FBXL2: variants seen among roughly 807,000 people sequenced by gnomAD.
FBXL2 encodes F-box/LRR-repeat protein 2.
In FBXL2, 38 loss-of-function variants were observed where a neutral mutation model predicts 69.2. The observed-to-expected ratio is 0.55, with a 90% CI of 0.42 to 0.72. The LOEUF is 0.72. Among genes scored for constraint, FBXL2 ranks in the 30% least tolerant of loss-of-function variants. FBXL2 has a pLI of 0.00. For synonymous variants in FBXL2, 192 were observed against 201.3 expected (o/e 0.95, Z 0.39); for missense variants, 354 against 520.3 (o/e 0.68, Z 3.11).
At chr3:33,373,431 G>T (rs2291898) in intron 7 of FBXL2, 76 bp downstream of exon 7, 73 of 1,511,236 alleles carry the variant, frequency 4.8e-5, no homozygotes, top group African/African-American at 6.9e-5. Context: ...TAATGGTCAC[G>T]TTGGATCCAG....
chr3:33,296,616 C>G (rs1172462814), intron 1 of FBXL2, among the ~76,000 whole-genome samples: 1 of 152,088 alleles, frequency 6.6e-6, no homozygotes, highest in Non-Finnish European at 1.5e-5. Flanking sequence ...TGTACCAGTA[C>G]CATTTCTTGA....
chr3:33,331,901 G>T (rs2039195595), intron 2 of FBXL2, among the ~76,000 whole-genome samples: 1 of 152,068 alleles, frequency 6.6e-6, no homozygotes, highest in Admixed American at 6.6e-5. Flanking sequence ...ATATAGAAAA[G>T]GTTAAGAGAC....
chr3:33,416,665 C>A, the FBXL2 span: 6 of 996,494 alleles, frequency 6.0e-6, no homozygotes, highest in Non-Finnish European at 7.3e-6. Context: ...AGTTGTAATA[C>A]AACAATTATT....
At chr3:33,377,429 C>T (rs777055850) in intron 11 of FBXL2, 96 bp downstream of exon 11, 14 of 1,147,936 alleles carry the variant, frequency 1.2e-5, no homozygotes, top group Non-Finnish European at 1.8e-5. Flanking sequence ...AGACTACCTT[C>T]AGAAAAGACA....
chr3:33,387,016 T>C lies in FBXL2; in HGVS notation c.*1408T>C, dbSNP rs980078906. 28 of 152,310 alleles carry C rather than the reference T, an allele frequency of 1.8e-4. No individual in the cohort carries two copies. The highest frequency in any genetic ancestry group is 6.5e-4 in the African/African-American group (27 of 41,556). 9.4% of individuals were successfully genotyped at this position (152,310 alleles called of 1,614,324 possible). On this transcript the variant is annotated 3_prime_UTR_variant, in exon 15 of 15. Coordinates refer to ENST00000484457, the MANE Select transcript of FBXL2 (RefSeq NM_012157.5). ...AGGATATATTATGTCAGCTGCATTCTAGGAAGAGAAGCAGATTATATATAT... is the reference window on the plus strand; with the variant it reads ...AGGATATATTATGTCAGCTGCATTCCAGGAAGAGAAGCAGATTATATATAT...
rs141685044 is a variant in FBXL2 at position 33,376,907 on chromosome 3, G to A, written c.789-366G>A. ...TCCCAGCTACTTGGGAGACTGAGACGGGAGAATCATTTGAACCTGGGAGGC... is the reference window on the plus strand; with the variant it reads ...TCCCAGCTACTTGGGAGACTGAGACAGGAGAATCATTTGAACCTGGGAGGC... On this transcript the variant is annotated intron_variant, in intron 10 of 14. Coordinates refer to ENST00000484457, the MANE Select transcript of FBXL2 (RefSeq NM_012157.5). Among the ~76,000 whole-genome samples the A allele has an allele frequency of 1.5e-3, 229 of 152,174 alleles. 2 individuals carry two copies. The highest frequency in any genetic ancestry group is 5.3e-3 in the African/African-American group (218 of 41,502).
chr3:33,377,701 G>A (rs938946741), intron 11 of FBXL2, among the ~76,000 whole-genome samples: 1 of 152,112 alleles, frequency 6.6e-6, no homozygotes, highest in Non-Finnish European at 1.5e-5. Context: ...CTGCTGCCAG[G>A]AACCCATGTC....
At chr3:33,336,038 G>A (rs550907286) in intron 2 of FBXL2, among the ~76,000 whole-genome samples, 5 of 152,232 alleles carry the variant, frequency 3.3e-5, no homozygotes, top group Non-Finnish European at 5.9e-5. Context: ...TTACAGATTC[G>A]AAACAATTTT....
chr3:33,372,942 A>G (rs941173667), intron 5 of FBXL2, 150 bp from the exon 6 acceptor site: 1 of 701,150 alleles, frequency 1.4e-6, no homozygotes, highest in African/African-American at 1.8e-5. Context: ...ATCTATCATC[A>G]GAATCTGCAC....
intron 2 of FBXL2, among the ~76,000 whole-genome samples, chr3:33,351,297 A>G (rs1199756942): frequency 6.6e-6 from 1 of 152,186 alleles, no homozygotes; most frequent in Non-Finnish European, 1.5e-5. Flanking sequence ...TCCTCCTGTA[A>G]CTAATTAGCA....
intron 14 of FBXL2, among the ~76,000 whole-genome samples, chr3:33,384,878 A>C (rs1400379827): frequency 6.6e-6 from 1 of 152,024 alleles, no homozygotes; most frequent in Non-Finnish European, 1.5e-5. Context: ...TCTACTAATA[A>C]TATAAAAATT....
At chr3:33,358,900 T>G in intron 2 of FBXL2, 67 bp from the exon 3 acceptor site, 1 of 1,046,310 alleles carries the variant, frequency 9.6e-7, no homozygotes, top group South Asian at 1.9e-5. Flanking sequence ...GAGTTTATCT[T>G]TCAAGTTATA....
the FBXL2 span, among the ~76,000 whole-genome samples, chr3:33,412,126 G>A: frequency 2.0e-5 from 3 of 149,536 alleles, no homozygotes; most frequent in Non-Finnish European, 4.4e-5. Context: ...GGCGGAGGTT[G>A]CAGTGAGCCA....
intron 2 of FBXL2, 21 bp from the exon 3 acceptor site, chr3:33,358,946 G>GT (rs758224482): frequency 9.4e-6 from 14 of 1,486,482 alleles, no homozygotes; most frequent in Admixed American, 4.2e-5. Context: ...TCGTTTTTGT[G>GT]TTTTTTTCCT....
intron 9 of FBXL2, 48 bp downstream of exon 9, chr3:33,373,969 C>T: frequency 3.1e-6 from 5 of 1,589,168 alleles, no homozygotes; most frequent in Non-Finnish European, 4.3e-6. Flanking sequence ...TCTTGTCTCC[C>T]AAAGCAGTCT....
chr3:33,293,000 C>T (rs2035392565), intron 1 of FBXL2, among the ~76,000 whole-genome samples: 1 of 152,156 alleles, frequency 6.6e-6, no homozygotes, highest in African/African-American at 2.4e-5. Context: ...AGCAAAGTGA[C>T]AAATGCAGGG....
chr3:33,317,166 G>T (rs993233989), intron 2 of FBXL2, among the ~76,000 whole-genome samples: 1 of 152,086 alleles, frequency 6.6e-6, no homozygotes, highest in East Asian at 1.9e-4. Context: ...CCAAAGCTAT[G>T]GGATTATAGG....
chr3:33,353,015 T>C (rs933503838), intron 2 of FBXL2, among the ~76,000 whole-genome samples: 13 of 152,198 alleles, frequency 8.5e-5, no homozygotes, highest in African/African-American at 3.1e-4. Flanking sequence ...GATATGCAGA[T>C]GACAAGCATA....
downstream of FBXL2, chr3:33,391,280 A>AT (rs2043753445): frequency 6.6e-6 from 1 of 152,218 alleles, no homozygotes; most frequent in Admixed American, 6.5e-5. Context: ...CTAAGACCGG[A>AT]TTTGGATCTT....
Sources: gnomAD v4.1 joint callset for allele counts (sites outside exome capture counted in the v4.1 genomes callset) on GRCh38, gnomAD v4.1.1 for gene constraint, MANE v1.5 for transcripts, NCBI Gene and HGNC (gene_info 2026-07-23, HGNC 2026-07-21) for gene names.